Variants in FOXP2 observed in about 807,000 individuals in gnomAD.
FOXP2 encodes the protein forkhead box protein P2.
A neutral mutation model predicts 115.8 loss-of-function variants in FOXP2; 12 were observed. That is an observed-to-expected ratio of 0.10 (90% CI 0.07 to 0.17). The LOEUF (loss-of-function observed/expected upper bound fraction) is 0.17. Ranked by LOEUF, FOXP2 falls within the 10% of genes least tolerant of loss-of-function variation. The pLI is 1.00. For missense variants in FOXP2, 629 were observed against 843.5 expected (o/e 0.75, Z 3.15); for synonymous variants, 328 against 297.7 (o/e 1.10, Z -1.05).
chr7:114,679,778 C>T (rs1807988190), intron 16 of FOXP2, among the ~76,000 whole-genome samples: 1 of 152,148 alleles, frequency 6.6e-6, no homozygotes, highest in African/African-American at 2.4e-5. Flanking sequence ...ACACCACTCT[C>T]CTTCATAGAG....
intron 9 of FOXP2, among the ~76,000 whole-genome samples, chr7:114,653,055 T>C (rs530005871): frequency 8.2e-4 from 125 of 152,306 alleles, no homozygotes; most frequent in African/African-American, 2.9e-3. Flanking sequence ...ACTAATACTT[T>C]GTTTCATTTA....
intron 1 of FOXP2, among the ~76,000 whole-genome samples, chr7:114,132,477 TTAAAGA>T (rs540163299): frequency 4.2e-4 from 64 of 151,574 alleles, no homozygotes; most frequent in Non-Finnish European, 6.9e-4. Flanking sequence ...AATAAATCTG[TTAAAGA>T]TAAAGAATAT....
At chr7:114,393,747 A>G (rs1396006093) in intron 2 of FOXP2, among the ~76,000 whole-genome samples, 1 of 152,056 alleles carries the variant, frequency 6.6e-6, no homozygotes, top group Non-Finnish European at 1.5e-5. Flanking sequence ...AATGGAGGGG[A>G]AGGTGAGAAA....
intron 2 of FOXP2, among the ~76,000 whole-genome samples, chr7:114,352,816 A>AT (rs1373345147): frequency 6.6e-6 from 1 of 152,122 alleles, no homozygotes; most frequent in African/African-American, 2.4e-5. Context: ...GGTGGGTGCA[A>AT]TTTAGCATAT....
At position 114,262,040 on chromosome 7, in the gene FOXP2, A is replaced by G. The variant is rs111950574; in HGVS notation, c.-101-25979A>G. 9.3e-3 allele frequency among the ~76,000 whole-genome samples: 1,419 copies of G among 152,220 alleles called. 31 individuals carry two copies. Among genetic ancestry groups the G allele is most frequent in the African/African-American group, 0.033 (1,353 of 41,534 alleles). On this transcript the variant is annotated intron_variant, in intron 1 of 17. Coordinates refer to the FOXP2 transcript ENST00000634411. ...GCCATTGTACTCCAGCCTGGGTGAT[A>G]AGAGCGAGACTCTGTCTCAAAAACA...
chr7:114,319,177 C>T lies in FOXP2; in HGVS notation c.-11+31068C>T, dbSNP rs375948599. Reference sequence around the variant, plus strand: ...GATGGGGGGTTGGGGGGGCGGGTCCCTCACGTGGGAAACTTGTTTATACTG... The same window carrying T: ...GATGGGGGGTTGGGGGGGCGGGTCCTTCACGTGGGAAACTTGTTTATACTG... On this transcript the variant is annotated intron_variant, in intron 2 of 17. Transcript: ENST00000634411. Among the ~76,000 whole-genome samples the T allele has an allele frequency of 3.3e-5, 5 of 151,784 alleles. No individual in the cohort carries two copies. The East Asian group carries it at 9.8e-4, about 30-fold the overall frequency.
chr7:114,094,104 GACTTT>G (rs928458843), intron 1 of FOXP2, among the ~76,000 whole-genome samples: 4 of 152,100 alleles, frequency 2.6e-5, no homozygotes, highest in African/African-American at 9.7e-5. Context: ...ACATTTAGAT[GACTTT>G]ACTTCTTTGC....
At position 114,693,073 on chromosome 7, in the gene FOXP2, C is replaced by G; in HGVS notation, c.*3147C>G. The G allele has an allele frequency of 2.2e-6, 1 of 453,898 alleles. No individual in the cohort carries two copies. The highest frequency in any genetic ancestry group is 2.4e-5 in the Admixed American group (1 of 42,542). The allele number at this position is 453,898 out of a possible 1,614,324, so 28.1% of individuals were successfully genotyped here. On this transcript the variant is annotated 3_prime_UTR_variant, in exon 17 of 17. Coordinates refer to ENST00000350908, the MANE Select transcript of FOXP2 (RefSeq NM_014491.4). Reference sequence around the variant, plus strand: ...TACATAGTTTTAGTCTACAAAGACACAATTGCTTAAACCTAGTGGGCTTAA... The same window carrying G: ...TACATAGTTTTAGTCTACAAAGACAGAATTGCTTAAACCTAGTGGGCTTAA...
At chr7:114,122,997 TGAAGTATAG>T (rs1791608864) in intron 1 of FOXP2, among the ~76,000 whole-genome samples, 1 of 152,032 alleles carries the variant, frequency 6.6e-6, no homozygotes, top group African/African-American at 2.4e-5. Flanking sequence ...TGAATCATGG[TGAAGTATAG>T]CTTGCAATCA....
At chr7:114,491,823 T>C (rs1417158468) in intron 2 of FOXP2, among the ~76,000 whole-genome samples, 11 of 152,202 alleles carry the variant, frequency 7.2e-5, no homozygotes, top group African/African-American at 1.4e-4. Context: ...CAGTATTTTA[T>C]TGAGGATTTT....
upstream of FOXP2, chr7:114,086,498 C>T (rs1029113843): frequency 9.6e-5 from 34 of 353,252 alleles, no homozygotes; most frequent in Admixed American, 1.1e-3. Flanking sequence ...GGCGCGCCCC[C>T]CACTCGCGGC....
At chr7:114,500,077 T>C (rs1014727864) in intron 2 of FOXP2, among the ~76,000 whole-genome samples, 4 of 151,810 alleles carry the variant, frequency 2.6e-5, no homozygotes, top group African/African-American at 9.7e-5. Context: ...TAGCCAGGCT[T>C]GGTGGCGGGC....
At chr7:114,336,186 G>A (rs1797850511) in intron 2 of FOXP2, among the ~76,000 whole-genome samples, 1 of 151,218 alleles carries the variant, frequency 6.6e-6, no homozygotes, top group African/African-American at 2.4e-5. Context: ...GTTTTAATAT[G>A]ACAGAAAAAA....
At chr7:114,281,103 T>G (rs1796325820) in intron 1 of FOXP2, among the ~76,000 whole-genome samples, 1 of 142,110 alleles carries the variant, frequency 7.0e-6, no homozygotes, top group African/African-American at 2.6e-5. Flanking sequence ...GAATTTTTTT[T>G]TTTTTTTTTT....
intron 2 of FOXP2, among the ~76,000 whole-genome samples, chr7:114,462,119 A>G (rs1434844564): frequency 6.6e-6 from 1 of 151,202 alleles, no homozygotes; most frequent in Non-Finnish European, 1.5e-5. Flanking sequence ...CGTCTCTACT[A>G]AAAATACAAA....
intron 1 of FOXP2, among the ~76,000 whole-genome samples, chr7:114,108,584 G>A (rs1177374811): frequency 6.6e-6 from 1 of 151,578 alleles, no homozygotes; most frequent in Admixed American, 6.6e-5. Flanking sequence ...ATTAAAATGG[G>A]GATTATTTAC....
At chr7:114,552,638 C>T (rs1036757578) in intron 3 of FOXP2, among the ~76,000 whole-genome samples, 1 of 152,100 alleles carries the variant, frequency 6.6e-6, no homozygotes, top group South Asian at 2.1e-4. Context: ...TTCTGATACT[C>T]GAAGAAAAAG....
At chr7:114,250,975 T>C (rs1795426979) in intron 1 of FOXP2, among the ~76,000 whole-genome samples, 1 of 152,182 alleles carries the variant, frequency 6.6e-6, no homozygotes, top group Non-Finnish European at 1.5e-5. Flanking sequence ...AATTTTTGTA[T>C]AAGGAAAAAG....
chr7:114,654,086 A>C, intron 10 of FOXP2, 77 bp downstream of exon 10: 1 of 1,607,672 alleles, frequency 6.2e-7, no homozygotes, highest in Non-Finnish European at 8.5e-7. Context: ...ATTTAGTGAC[A>C]GTTAGAAAAC....
Sources: allele counts gnomAD v4.1 joint callset (sites outside exome capture counted in the v4.1 genomes callset), GRCh38; gene constraint gnomAD v4.1.1; transcripts MANE v1.5; gene names NCBI Gene and HGNC (gene_info 2026-07-23, HGNC 2026-07-21).